Variants in CDH2 observed in about 807,000 individuals in gnomAD.
The protein encoded by CDH2 is cadherin-2.
CDH2 carries 17 observed loss-of-function variants against 92.0 expected under a neutral mutation model. The ratio of observed to expected loss-of-function variants is 0.18; its 90% CI spans 0.13 to 0.28. The LOEUF is 0.28. Ranked by LOEUF, CDH2 falls within the 10% of genes least tolerant of loss-of-function variation. CDH2 has a pLI of 1.00. For synonymous variants in CDH2, 419 were observed against 415.9 expected, an observed-to-expected ratio of 1.01 and a Z score of -0.09; for missense variants, 862 against 1,133.1, an observed-to-expected ratio of 0.76 and a Z score of 3.44.
intron 2 of CDH2, among the ~76,000 whole-genome samples, chr18:28,047,565 C>T (rs1053480196): frequency 1.3e-5 from 2 of 152,068 alleles, no homozygotes; most frequent in African/African-American, 4.8e-5. Context: ...AAAGAGATTG[C>T]TTCCATATAA....
chr18:28,169,560 C>T (rs1419837451), intron 1 of CDH2, among the ~76,000 whole-genome samples: 4 of 152,264 alleles, frequency 2.6e-5, no homozygotes, highest in East Asian at 1.9e-4. Flanking sequence ...TCTGGGCATA[C>T]ATGTTTTAAA....
intron 1 of CDH2, among the ~76,000 whole-genome samples, chr18:28,148,668 A>G (rs2016075371): frequency 6.6e-6 from 1 of 152,300 alleles, no homozygotes; most frequent in East Asian, 1.9e-4. Flanking sequence ...AGGCTACCCA[A>G]TGAAGGGATT....
rs878964002 is a variant in CDH2, at chr18:27,988,598, A to G, written c.1667T>C (p.Ile556Thr). Residue 556 changes from isoleucine to threonine, a missense_variant, in exon 11 of 16, where the codon ATT (isoleucine) becomes ACT (threonine). Ile to Thr is a moderately conservative substitution (Grantham distance 89). Coordinates refer to ENST00000269141, the MANE Select transcript of CDH2 (RefSeq NM_001792.5). Reference sequence around the variant, plus strand: ...TGGTGATTCTCGGTCCAAAACAGCAATTGTAGTTATTTGTCCATTCACAGG... The same window carrying G: ...TGGTGATTCTCGGTCCAAAACAGCAGTTGTAGTTATTTGTCCATTCACAGG... Reference protein sequence around the residue: ...IDPVNGQITTIAVLDRESPNV... With the variant: ...IDPVNGQITTTAVLDRESPNV... 2 of 1,609,554 alleles carry G rather than the reference A, an allele frequency of 1.2e-6. No individual in the cohort carries two copies. Among genetic ancestry groups the G allele is most frequent in the South Asian group, 1.1e-5 (1 of 90,974 alleles).
At chr18:27,959,027 G>A (rs1332997062) in intron 15 of CDH2, among the ~76,000 whole-genome samples, 6 of 152,024 alleles carry the variant, frequency 3.9e-5, no homozygotes, top group East Asian at 3.9e-4. Flanking sequence ...TCATAGCAGC[G>A]TGAAAACAGA....
chr18:28,116,498 CAA>C (rs1412256757), intron 2 of CDH2, among the ~76,000 whole-genome samples: 1 of 152,134 alleles, frequency 6.6e-6, no homozygotes, highest in East Asian at 1.9e-4. Flanking sequence ...TAGAACAAAG[CAA>C]AGTTTCTTGA....
intron 2 of CDH2, among the ~76,000 whole-genome samples, chr18:28,097,658 T>C (rs1266998617): frequency 1.3e-5 from 2 of 152,212 alleles, no homozygotes; most frequent in Admixed American, 6.5e-5. Context: ...AGGATGCACA[T>C]AGCTTATATA....
chr18:28,060,607 C>CT (rs1369620637), intron 2 of CDH2, among the ~76,000 whole-genome samples: 1 of 152,150 alleles, frequency 6.6e-6, no homozygotes, highest in Admixed American at 6.5e-5. Context: ...TTCTCTTTAT[C>CT]TTTTTCAAAA....
intron 2 of CDH2, among the ~76,000 whole-genome samples, chr18:28,108,109 G>A (rs1433499895): frequency 1.3e-5 from 2 of 151,802 alleles, no homozygotes; most frequent in African/African-American, 4.8e-5. Context: ...CTCTCTATTT[G>A]ATAGCCTGCA....
chr18:28,080,166 A>C (rs2014801915), intron 2 of CDH2, among the ~76,000 whole-genome samples: 1 of 152,210 alleles, frequency 6.6e-6, no homozygotes, highest in African/African-American at 2.4e-5. Context: ...AGCAAAAACT[A>C]AAATGACACT....
At chr18:28,052,743 G>A (rs892835055) in intron 2 of CDH2, among the ~76,000 whole-genome samples, 22 of 152,146 alleles carry the variant, frequency 1.4e-4, no homozygotes, top group Non-Finnish European at 1.6e-4. Flanking sequence ...TCAATATCAC[G>A]AAACAGTTCA....
At chr18:27,988,318 T>C (rs1227533723) in intron 11 of CDH2, among the ~76,000 whole-genome samples, 2 of 152,214 alleles carry the variant, frequency 1.3e-5, no homozygotes, top group East Asian at 1.9e-4. Flanking sequence ...ACATGAACGA[T>C]GGATGGACAT....
chr18:28,008,298 G>A (rs75113251), intron 5 of CDH2, among the ~76,000 whole-genome samples: 1 of 152,086 alleles, frequency 6.6e-6, no homozygotes, highest in Non-Finnish European at 1.5e-5. Context: ...ACGTTTGGAA[G>A]TTTTACTTCT....
At chr18:28,098,038 A>G (rs944211519) in intron 2 of CDH2, among the ~76,000 whole-genome samples, 2 of 152,190 alleles carry the variant, frequency 1.3e-5, no homozygotes, top group African/African-American at 2.4e-5. Context: ...TATCCTAAGG[A>G]AATAATCATA....
At chr18:28,049,692 C>T (rs2014151729) in intron 2 of CDH2, among the ~76,000 whole-genome samples, 1 of 152,184 alleles carries the variant, frequency 6.6e-6, no homozygotes, top group African/African-American at 2.4e-5. Flanking sequence ...CAAAAGACAA[C>T]CAACCTCCAC....
intron 2 of CDH2, among the ~76,000 whole-genome samples, chr18:28,091,599 C>T (rs2015038558): frequency 6.6e-6 from 1 of 152,170 alleles, no homozygotes; most frequent in Non-Finnish European, 1.5e-5. Context: ...TTTCCTGAAG[C>T]TTCACAGAAA....
chr18:28,019,118 T>C (rs1567966536), intron 2 of CDH2, among the ~76,000 whole-genome samples: 1 of 151,820 alleles, frequency 6.6e-6, no homozygotes, highest in Non-Finnish European at 1.5e-5. Flanking sequence ...GTGTAAATGA[T>C]GCAATGGACT....
intron 2 of CDH2, among the ~76,000 whole-genome samples, chr18:28,080,281 A>G (rs1156898944): frequency 6.6e-6 from 1 of 152,218 alleles, no homozygotes; most frequent in Non-Finnish European, 1.5e-5. Flanking sequence ...AACCACGAAT[A>G]ACACCAGAAT....
chr18:27,938,856 G>A (rs1282348475), intron 6 of CDH2, among the ~76,000 whole-genome samples: 2 of 152,152 alleles, frequency 1.3e-5, no homozygotes, highest in East Asian at 1.9e-4. Context: ...TAAGCAAATC[G>A]TGCCTGCTAA....
intron 8 of CDH2, among the ~76,000 whole-genome samples, chr18:27,993,138 G>A (rs1345544301): frequency 1.3e-5 from 2 of 152,146 alleles, no homozygotes; most frequent in African/African-American, 4.8e-5. Flanking sequence ...ACTTGTCTGT[G>A]CAAAATGATT....
Sources: allele counts gnomAD v4.1 joint callset (sites outside exome capture counted in the v4.1 genomes callset), GRCh38; gene constraint gnomAD v4.1.1; transcripts MANE v1.5; gene names NCBI Gene and HGNC (gene_info 2026-07-23, HGNC 2026-07-21).